FXN: variants seen among roughly 807,000 people sequenced by gnomAD.
The protein encoded by FXN is frataxin, mitochondrial.
FXN carries 14 observed loss-of-function variants against 22.4 expected under a neutral mutation model. The observed-to-expected ratio is 0.62, with a 90% CI of 0.41 to 0.98. The LOEUF (loss-of-function observed/expected upper bound fraction) is 0.98. FXN is among the 50% of genes least tolerant of loss of function. FXN has a pLI of 0.00. For synonymous variants in FXN, 120 were observed against 114.1 expected (o/e 1.05, Z -0.33); for missense variants, 267 against 268.4 (o/e 0.99, Z 0.04).
At chr9:69,053,003 AAAAG>A (rs1180312239) in intron 2 of FXN, 133 bp from the exon 3 acceptor site, 18 of 1,028,942 alleles carry the variant, frequency 1.7e-5, no homozygotes, top group South Asian at 3.2e-5. Flanking sequence ...AAAAAAAAAA[AAAAG>A]AAAGAAAAAC....
chr9:69,076,306 C>G lies in FXN; in HGVS notation c.*3544C>G. 2.6e-5 allele frequency: 26 copies of G among 984,640 alleles called. No homozygotes were observed. Among genetic ancestry groups the G allele is most frequent in the Non-Finnish European group, 3.1e-5 (26 of 829,770 alleles). 61.0% of individuals were successfully genotyped at this position (984,640 alleles called of 1,614,324 possible). ...AAGCACAATCCTGATGTGAGAAGTA[C>G]TCAGTTCATGACAACTGTTGTTCTC... On this transcript the variant is annotated 3_prime_UTR_variant, in exon 5 of 5. Coordinates refer to ENST00000484259, the MANE Select transcript of FXN (RefSeq NM_000144.5).
chr9:69,048,739 G>A (rs1831802378), intron 2 of FXN, among the ~76,000 whole-genome samples: 1 of 152,080 alleles, frequency 6.6e-6, no homozygotes, highest in Non-Finnish European at 1.5e-5. Context: ...AAAGCAACAA[G>A]AAGCCACCGG....
chr9:69,053,428 G>A (rs1217624712), intron 3 of FXN, among the ~76,000 whole-genome samples, 168 bp downstream of exon 3: 2 of 151,818 alleles, frequency 1.3e-5, no homozygotes, highest in African/African-American at 2.4e-5. Flanking sequence ...CCAAAATCAC[G>A]CCACTGCACT....
At chr9:69,057,330 G>A (rs1032131725) in intron 3 of FXN, among the ~76,000 whole-genome samples, 2 of 152,192 alleles carry the variant, frequency 1.3e-5, no homozygotes, top group Non-Finnish European at 2.9e-5. Context: ...TCTGCTCCCA[G>A]TAGTGGGTCA....
At position 69,077,339 on chromosome 9, in the gene FXN, C is replaced by T. The variant is rs1313284491; in HGVS notation, c.*4577C>T. 8.1e-6 allele frequency: 8 copies of T among 985,476 alleles called. No homozygotes were observed. 61.0% of individuals were successfully genotyped at this position (985,476 alleles called of 1,614,324 possible). A position where few individuals can be genotyped will look rare whatever the true frequency, so the allele number is the denominator to read the frequency against. On this transcript the variant is annotated 3_prime_UTR_variant, in exon 5 of 5. Coordinates refer to ENST00000484259, the MANE Select transcript of FXN (RefSeq NM_000144.5). ...CTCACTTATATCCCTGCATCCGCTA[C>T]AGAGACAGAATCCAAGCTCATATGT...
Position 69,077,976 on chromosome 9 carries a change from A to G in FXN, c.*5214A>G, listed in dbSNP as rs1832401665. 1.0e-6 allele frequency: 1 copy of G among 984,896 alleles called. No individual in the cohort carries two copies. Among genetic ancestry groups the G allele is most frequent in the Non-Finnish European group, 1.2e-6 (1 of 829,552 alleles). 61.0% of individuals were successfully genotyped at this position (984,896 alleles called of 1,614,324 possible). ...TGCCATCTTAAGTGTAAAGGTGGCT[A>G]AATTATATAGAAAAATAAGACAATA... is the stretch of plus-strand genomic sequence containing the variant. On this transcript the variant is annotated 3_prime_UTR_variant, in exon 5 of 5. Transcript: ENST00000484259.
Position 69,075,836 on chromosome 9 carries a change from A to G in FXN, c.*3074A>G, listed in dbSNP as rs950792159. On this transcript the variant is annotated 3_prime_UTR_variant, in exon 5 of 5. Coordinates refer to ENST00000484259, the MANE Select transcript of FXN (RefSeq NM_000144.5). Reference sequence around the variant, plus strand: ...GCCTCGACCTCCCTGGGCTTGGGCAATCCTCCCACAGGTGTGCACCTCCAT... The same window carrying G: ...GCCTCGACCTCCCTGGGCTTGGGCAGTCCTCCCACAGGTGTGCACCTCCAT... The G allele has an allele frequency of 1.4e-5, 8 of 585,236 alleles. No homozygotes were observed. The East Asian group carries it at 4.3e-4, about 32-fold the overall frequency. The allele number at this position is 585,236 out of a possible 1,614,324, so 36.3% of individuals were successfully genotyped here.
At chr9:69,051,177 A>C (rs1831842766) in intron 2 of FXN, among the ~76,000 whole-genome samples, 1 of 152,236 alleles carries the variant, frequency 6.6e-6, no homozygotes, top group Non-Finnish European at 1.5e-5. Context: ...AGCTCACTGC[A>C]GCCTTGACCT....
At chr9:69,068,262 A>G (rs572039569) in intron 4 of FXN, among the ~76,000 whole-genome samples, 3 of 152,304 alleles carry the variant, frequency 2.0e-5, no homozygotes, top group Admixed American at 1.3e-4. Context: ...CTAAGGGGCT[A>G]CTATGAGCTC....
chr9:69,056,989 C>A, intron 3 of FXN, among the ~76,000 whole-genome samples: 1 of 152,070 alleles, frequency 6.6e-6, no homozygotes, highest in East Asian at 1.9e-4. Flanking sequence ...GGTAATCCAA[C>A]TGCTTTGGCC....
Position 69,074,183 on chromosome 9 carries a change from CAAAAT to C in FXN, c.*1424_*1428del. On this transcript the variant is annotated 3_prime_UTR_variant, in exon 5 of 5. Coordinates refer to ENST00000484259, the MANE Select transcript of FXN (RefSeq NM_000144.5). ...TGGGTGACTGAGCAAAACTCTGTCTCAAAATAATAATAACAATATAATAATAATAA... is the reference window on the plus strand; with the variant it reads ...TGGGTGACTGAGCAAAACTCTGTCTCAATAATAACAATATAATAATAATAA... The C allele has an allele frequency of 2.3e-6, 2 of 859,672 alleles. No homozygotes were observed. Among genetic ancestry groups the C allele is most frequent in the Non-Finnish European group, 2.7e-6 (2 of 728,608 alleles). The allele number at this position is 859,672 out of a possible 1,614,324, so 53.3% of individuals were successfully genotyped here.
At position 69,078,461 on chromosome 9, in the gene FXN, A is replaced by G. The variant is rs1345072607; in HGVS notation, c.*5699A>G. 3 of 985,164 alleles carry G rather than the reference A, an allele frequency of 3.0e-6. No homozygotes were observed. Among genetic ancestry groups the G allele is most frequent in the Non-Finnish European group, 3.6e-6 (3 of 829,934 alleles). 61.0% of individuals were successfully genotyped at this position (985,164 alleles called of 1,614,324 possible). A position where few individuals can be genotyped will look rare whatever the true frequency, so the allele number is the denominator to read the frequency against. On this transcript the variant is annotated 3_prime_UTR_variant, in exon 5 of 5. Coordinates refer to ENST00000484259, the MANE Select transcript of FXN (RefSeq NM_000144.5). ...CACCTTCCTCCTTTTCTCTCAGCCC[A>G]TCATCTAGCTACACAGTCTCCAGGG...
Position 69,077,411 on chromosome 9 carries a change from C to T in FXN, c.*4649C>T, listed in dbSNP as rs1832390328. 8.1e-6 allele frequency: 8 copies of T among 985,232 alleles called. No homozygotes were observed. In the South Asian group the frequency reaches 3.8e-4, roughly 46 times the overall value. The allele number at this position is 985,232 out of a possible 1,614,324, so 61.0% of individuals were successfully genotyped here. A position where few individuals can be genotyped will look rare whatever the true frequency, so the allele number is the denominator to read the frequency against. ...GTTTAAGGAATGGAAGGCACCAGAA[C>T]AGATTTATTGAAATGTTTATTAGCT... is the stretch of plus-strand genomic sequence containing the variant. On this transcript the variant is annotated 3_prime_UTR_variant, in exon 5 of 5. Transcript: ENST00000484259.
At chr9:69,037,321 C>T (rs926715250) in intron 1 of FXN, among the ~76,000 whole-genome samples, 3 of 122,250 alleles carry the variant, frequency 2.5e-5, no homozygotes, top group Admixed American at 1.6e-4. Context: ...GAAAAGTTAG[C>T]CGGGCGTGGT....
At chr9:69,062,916 A>T (rs1305673003) in intron 3 of FXN, among the ~76,000 whole-genome samples, 1 of 151,606 alleles carries the variant, frequency 6.6e-6, no homozygotes, top group Non-Finnish European at 1.5e-5. Flanking sequence ...AATGGGGCCG[A>T]GTGCAGTAGC....
intron 1 of FXN, among the ~76,000 whole-genome samples, chr9:69,041,465 CT>C (rs1218013017): frequency 6.6e-6 from 1 of 152,194 alleles, no homozygotes; most frequent in Non-Finnish European, 1.5e-5. Context: ...TACGATGGTG[CT>C]GCTGTGACTG....
At chr9:69,072,103 C>G (rs948560658) in intron 4 of FXN, among the ~76,000 whole-genome samples, 4 of 152,134 alleles carry the variant, frequency 2.6e-5, no homozygotes, top group Non-Finnish European at 4.4e-5. Context: ...CACTGGGTCT[C>G]CTTTTGGGGT....
At chr9:69,069,701 G>A (rs1007538544) in intron 4 of FXN, among the ~76,000 whole-genome samples, 15 of 152,238 alleles carry the variant, frequency 9.9e-5, no homozygotes, top group African/African-American at 3.6e-4. Flanking sequence ...AGCTGGAGAC[G>A]GAGCTCCTGA....
In FXN at chr9:69,072,877, T is replaced by C. The variant is rs1260275849; in HGVS notation, c.*115T>C. ...TTGTTTATTTTTTTTATTCCTGCTT[T>C]TGAGGACAGTTGGGCTATGTGTCAC... On this transcript the variant is annotated 3_prime_UTR_variant, in exon 5 of 5. Coordinates refer to ENST00000484259, the MANE Select transcript of FXN (RefSeq NM_000144.5). 6.3e-7 allele frequency: 1 copy of C among 1,575,378 alleles called. No individual in the cohort carries two copies. Among genetic ancestry groups the C allele is most frequent in the African/African-American group, 1.3e-5 (1 of 74,190 alleles).
Sources: allele counts gnomAD v4.1 joint callset (sites outside exome capture counted in the v4.1 genomes callset), GRCh38; gene constraint gnomAD v4.1.1; transcripts MANE v1.5; gene names NCBI Gene and HGNC (gene_info 2026-07-23, HGNC 2026-07-21).